The following ARID5B variants were observed in gnomAD, a reference collection of about 807,000 sequenced individuals.
ARID5B encodes the protein AT-rich interaction domain 5B, also known as AT-rich interactive domain-containing protein 5B.
Under a neutral mutation model 97.2 loss-of-function variants are expected in ARID5B, and 13 were observed. That is an observed-to-expected ratio of 0.13 (90% CI 0.09 to 0.21). ARID5B has a LOEUF of 0.21. Ranked by LOEUF, ARID5B falls within the 10% of genes least tolerant of loss-of-function variation. The pLI is 1.00. For missense variants in ARID5B, 1,210 were observed against 1,465.3 expected (o/e 0.83, Z 2.84); for synonymous variants, 556 against 570.3 (o/e 0.97, Z 0.36).
At chr10:62,059,151 CT>C in intron 6 of ARID5B, 91 bp from the exon 7 acceptor site, 1 of 1,060,014 alleles carries the variant, frequency 9.4e-7, no homozygotes. Flanking sequence ...CTTTTTTTCT[CT>C]TTCTCGTTGA....
Position 62,091,585 on chromosome 10 carries a change from T to C in ARID5B, c.2122T>C (p.Tyr708His). Residue 708 changes from tyrosine (Y) to histidine (H), a missense_variant, in exon 10 of 10, where the codon TAC (tyrosine) becomes CAC (histidine). Physicochemically the swap from Tyr to His is moderately conservative, Grantham distance 83. This residue lies in a region of ARID5B where 800 missense variants were observed against 839.1 expected (regional missense o/e 0.95). Coordinates refer to ENST00000279873, the MANE Select transcript of ARID5B (RefSeq NM_032199.3). Reference protein sequence around the residue: ...QVSGASLSSSYPYGSPPPLIS... With the variant: ...QVSGASLSSSHPYGSPPPLIS... ...GAGTGGGGCCAGCCTCTCCAGCAGC[T>C]ACCCTTATGGCTCCCCACCCCCTTT... 6.2e-7 allele frequency: 1 copy of C among 1,612,812 alleles called. No individual in the cohort carries two copies.
chr10:61,902,527 A>C, intron 2 of ARID5B, 114 bp downstream of exon 2: 1 of 1,407,564 alleles, frequency 7.1e-7, no homozygotes, highest in Non-Finnish European at 9.6e-7. Flanking sequence ...AGCAGGATCG[A>C]CTCCTTTTTT....
At chr10:62,028,414 T>C (rs368763859) in intron 4 of ARID5B, among the ~76,000 whole-genome samples, 1 of 152,158 alleles carries the variant, frequency 6.6e-6, no homozygotes, top group East Asian at 1.9e-4. Flanking sequence ...CCACTTTGTC[T>C]CAGGGAACAA....
chr10:61,915,373 A>G (rs1463381829), intron 2 of ARID5B, among the ~76,000 whole-genome samples: 1 of 152,196 alleles, frequency 6.6e-6, no homozygotes, highest in Non-Finnish European at 1.5e-5. Flanking sequence ...GGGCAAATAC[A>G]AGTGCCTATG....
intron 9 of ARID5B, among the ~76,000 whole-genome samples, chr10:62,086,325 C>CG (rs1278966828): frequency 6.6e-6 from 1 of 152,106 alleles, no homozygotes; most frequent in Non-Finnish European, 1.5e-5. Flanking sequence ...CATGGTGGCT[C>CG]GCGCCTGTAA....
chr10:61,925,535 G>C (rs1181858692), intron 2 of ARID5B, among the ~76,000 whole-genome samples: 1 of 152,036 alleles, frequency 6.6e-6, no homozygotes, highest in African/African-American at 2.4e-5. Context: ...TATAAGTAAA[G>C]CCTCTTCTTT....
intron 9 of ARID5B, among the ~76,000 whole-genome samples, chr10:62,090,537 A>T (rs890747907): frequency 4.6e-5 from 7 of 152,248 alleles, no homozygotes; most frequent in African/African-American, 1.2e-4. Context: ...GACTGATTTG[A>T]CAAGAAGACA....
intron 4 of ARID5B, among the ~76,000 whole-genome samples, chr10:62,007,814 A>G (rs1034250089): frequency 2.8e-4 from 43 of 152,138 alleles, no homozygotes; most frequent in African/African-American, 9.7e-4. Context: ...GTCCCTCTGC[A>G]TGGAATGTAT....
At position 62,092,118 on chromosome 10, in the gene ARID5B, G is replaced by A. The variant is rs368683439; in HGVS notation, c.2655G>A (p.Thr885=). Residue 885 remains threonine, a synonymous_variant, in exon 10 of 10, where the codon ACG becomes ACA. Transcript: ENST00000279873. ...AAAAGCTCCATGTAAATTATCTCACGTCCCTGCACCTGCAAGACAAAAAGT... is the reference window on the plus strand; with the variant it reads ...AAAAGCTCCATGTAAATTATCTCACATCCCTGCACCTGCAAGACAAAAAGT... ...HQEKLHVNYL[T]SLHLQDKKSA... is the part of the protein sequence containing the mutation. The A allele has an allele frequency of 2.5e-4, 395 of 1,610,748 alleles. 1 individual carries two copies. The highest frequency in any genetic ancestry group is 5.9e-4 in the Admixed American group (35 of 59,118).
chr10:62,087,736 A>G (rs1469031181), intron 9 of ARID5B, among the ~76,000 whole-genome samples: 1 of 152,222 alleles, frequency 6.6e-6, no homozygotes, highest in African/African-American at 2.4e-5. Flanking sequence ...CAACTTACCC[A>G]GCTGACTCTT....
Position 62,094,509 on chromosome 10 carries a change from T to C in ARID5B, c.*1479T>C. 4.3e-6 allele frequency: 1 copy of C among 231,588 alleles called. No homozygotes were observed. The allele number at this position is 231,588 out of a possible 1,614,324, so 14.3% of individuals were successfully genotyped here. ...ACATGTAAGGTGGTTTGGGTCATGT[T>C]TTTAACCACCTGGCAATACAGTCCA... On this transcript the variant is annotated 3_prime_UTR_variant, in exon 10 of 10. Coordinates refer to ENST00000279873, the MANE Select transcript of ARID5B (RefSeq NM_032199.3).
At chr10:61,912,264 A>G (rs7083784) in intron 2 of ARID5B, among the ~76,000 whole-genome samples, 5,764 of 152,278 alleles carry the variant, frequency 0.038, 390 homozygotes, top group African/African-American at 0.13. Context: ...AAATGTGTAT[A>G]TATAGGGTGT....
intron 7 of ARID5B, 70 bp from the exon 8 acceptor site, chr10:62,069,630 T>C: frequency 7.5e-7 from 1 of 1,340,914 alleles, no homozygotes; most frequent in Non-Finnish European, 1.1e-6. Flanking sequence ...GACTGTTGCA[T>C]ATGTATTGAA....
At chr10:62,027,516 T>C (rs1839438215) in intron 4 of ARID5B, among the ~76,000 whole-genome samples, 1 of 151,588 alleles carries the variant, frequency 6.6e-6, no homozygotes, top group Admixed American at 6.6e-5. Flanking sequence ...GGTTTCACCA[T>C]GTTAGCCAGG....
chr10:62,010,504 A>G (rs1283259206), intron 4 of ARID5B, among the ~76,000 whole-genome samples: 3 of 152,200 alleles, frequency 2.0e-5, no homozygotes, highest in Admixed American at 6.5e-5. Context: ...CCATCATCTT[A>G]TCTCTTTTCC....
chr10:62,025,621 G>A (rs1056622165), intron 4 of ARID5B, among the ~76,000 whole-genome samples: 3 of 152,118 alleles, frequency 2.0e-5, no homozygotes, highest in African/African-American at 7.2e-5. Context: ...ATAGCTGCTA[G>A]GTGTTACAAA....
intron 5 of ARID5B, among the ~76,000 whole-genome samples, chr10:62,052,931 C>T (rs1346539235): frequency 1.3e-5 from 2 of 152,186 alleles, no homozygotes; most frequent in Non-Finnish European, 2.9e-5. Flanking sequence ...TCTTGGATTA[C>T]AGTCATGCCT....
chr10:62,063,708 T>C (rs922600026), intron 7 of ARID5B, among the ~76,000 whole-genome samples: 5 of 152,236 alleles, frequency 3.3e-5, no homozygotes, highest in Non-Finnish European at 7.3e-5. Flanking sequence ...TTTTGATTAA[T>C]TGACGAGGAC....
At chr10:61,901,769 C>G in intron 1 of ARID5B, 39 bp downstream of exon 1, 1 of 1,603,442 alleles carries the variant, frequency 6.2e-7, no homozygotes, top group East Asian at 2.2e-5. Context: ...CCCGGCACCC[C>G]CCGGCACCCC....
Sources: gnomAD v4.1 joint callset for allele counts (sites outside exome capture counted in the v4.1 genomes callset) on GRCh38, gnomAD v4.1.1 for gene constraint, gnomAD v4.1.1 regional missense constraint, MANE v1.5 for transcripts, NCBI Gene and HGNC (gene_info 2026-07-23, HGNC 2026-07-21) for gene names.